The following CDC16 variants were observed in gnomAD, a reference collection of about 807,000 sequenced individuals.
The protein encoded by CDC16 is cell division cycle protein 16 homolog.
CDC16 carries 34 observed loss-of-function variants against 87.0 expected under a neutral mutation model. The ratio of observed to expected loss-of-function variants is 0.39; its 90% CI spans 0.30 to 0.52. CDC16 has a LOEUF of 0.52. Among genes scored for constraint, CDC16 ranks in the 20% least tolerant of loss-of-function variants. The pLI is 0.74. For missense variants in CDC16, 653 were observed against 751.9 expected (o/e 0.87, Z 1.54); for synonymous variants, 263 against 260.6 (o/e 1.01, Z -0.09).
chr13:114,257,309 A>G, intron 13 of CDC16, 79 bp downstream of exon 13: 2 of 839,666 alleles, frequency 2.4e-6, no homozygotes, highest in Admixed American at 2.7e-5. Flanking sequence ...GTTCACTGAC[A>G]AAAGCGACTC....
At chr13:114,244,698 AT>A (rs2081750597) in intron 8 of CDC16, 191 bp from the exon 9 acceptor site, 1 of 398,174 alleles carries the variant, frequency 2.5e-6, no homozygotes, top group Non-Finnish European at 4.5e-6. Flanking sequence ...ATAAACCAGA[AT>A]TTTTTCTTTC....
intron 12 of CDC16, among the ~76,000 whole-genome samples, chr13:114,253,792 A>G (rs945768614): frequency 2.0e-5 from 3 of 152,022 alleles, no homozygotes; most frequent in Non-Finnish European, 4.4e-5. Context: ...GAAGTGTTCC[A>G]TAGATACCTG....
intron 8 of CDC16, 27 bp from the exon 9 acceptor site, chr13:114,244,863 G>T (rs201701516): frequency 1.7e-5 from 26 of 1,509,930 alleles, no homozygotes; most frequent in Non-Finnish European, 2.2e-5. Flanking sequence ...TGGTTTGGGG[G>T]TAGTAATGTG....
intron 16 of CDC16, among the ~76,000 whole-genome samples, chr13:114,263,963 T>C (rs2083022163): frequency 6.6e-6 from 1 of 152,202 alleles, no homozygotes; most frequent in South Asian, 2.1e-4. Flanking sequence ...GAAGCAATGT[T>C]TGAATTTGAG....
chr13:114,236,637 G>A lies in CDC16; in HGVS notation c.49-8G>A. On this transcript the variant is annotated splice_polypyrimidine_tract_variant and splice_region_variant and intron_variant, in intron 1 of 17. Transcript: ENST00000356221. The stretch of plus-strand genomic sequence containing the variant: ...CAGTTACCACCTTTTTTTTTTTTTG[G>A]TATGCAGCAACAGTATCAAAGTGCT... The A allele has an allele frequency of 1.3e-6, 2 of 1,572,622 alleles. No individual in the cohort carries two copies. The highest frequency in any genetic ancestry group is 1.2e-5 in the South Asian group (1 of 84,196).
intron 15 of CDC16, among the ~76,000 whole-genome samples, chr13:114,262,600 A>G (rs377462964): frequency 1.4e-4 from 21 of 152,342 alleles, no homozygotes; most frequent in African/African-American, 4.6e-4. Context: ...GCCAGGAGGC[A>G]TGGATTAGGT....
intron 11 of CDC16, among the ~76,000 whole-genome samples, chr13:114,248,461 A>G (rs1481648303): frequency 6.6e-6 from 1 of 152,182 alleles, no homozygotes; most frequent in Non-Finnish European, 1.5e-5. Flanking sequence ...CAGGCAGATT[A>G]CCTTAGGTCA....
rs2081174295 is a variant in CDC16 at position 114,235,069 on chromosome 13, C to T, written c.-16C>T. On this transcript the variant is annotated 5_prime_UTR_variant, in exon 1 of 18. Transcript: ENST00000356221. Reference sequence around the variant, plus strand: ...CCTAGCGGCGGAGTGTGGCGTGAGGCCGGGCCCGCGCCGCCATGAACCTAG... The same window carrying T: ...CCTAGCGGCGGAGTGTGGCGTGAGGTCGGGCCCGCGCCGCCATGAACCTAG... 3 of 1,247,216 alleles carry T rather than the reference C, an allele frequency of 2.4e-6. No homozygotes were observed. Among genetic ancestry groups the T allele is most frequent in the East Asian group, 3.1e-5 (1 of 31,798 alleles). The allele number at this position is 1,247,216 out of a possible 1,614,324, so 77.3% of individuals were successfully genotyped here. A position where few individuals can be genotyped will look rare whatever the true frequency, so the allele number is the denominator to read the frequency against.
At chr13:114,243,683 G>C (rs17337954) in intron 7 of CDC16, among the ~76,000 whole-genome samples, 173 bp from the exon 8 acceptor site, 2,443 of 152,242 alleles carry the variant, frequency 0.016, 68 homozygotes, top group African/African-American at 0.056. Flanking sequence ...AAATTGAGAA[G>C]GGAATTAAAC....
chr13:114,242,572 C>T (rs1241506501), intron 6 of CDC16: 1 of 283,526 alleles, frequency 3.5e-6, no homozygotes, highest in East Asian at 7.4e-5. Context: ...AACCGTGTTG[C>T]TCTTTACATC....
At chr13:114,245,960 G>T in intron 9 of CDC16, 40 bp from the exon 10 acceptor site, 1 of 1,107,862 alleles carries the variant, frequency 9.0e-7, no homozygotes, top group South Asian at 1.4e-5. Flanking sequence ...AATTACATGT[G>T]ATACGAACAA....
At position 114,250,665 on chromosome 13, in the gene CDC16, T is replaced by C. The variant is rs746682019; in HGVS notation, c.1088T>C (p.Leu363Pro). 4 of 1,613,970 alleles carry C rather than the reference T, an allele frequency of 2.5e-6. No individual in the cohort carries two copies. Among genetic ancestry groups the C allele is most frequent in the Non-Finnish European group, 2.5e-6 (3 of 1,179,998 alleles). ...AMAAYFTAAQ[L>P]MKGCHLPMLY... ...GCTGCTTACTTCACAGCAGCACAGCTGATGAAAGGGTACGGCAGAGCAAAC... is the reference window on the plus strand; with the variant it reads ...GCTGCTTACTTCACAGCAGCACAGCCGATGAAAGGGTACGGCAGAGCAAAC... Residue 363 changes from leucine (L) to proline (P), a missense_variant, in exon 12 of 18, where the codon CTG becomes CCG. Leu to Pro is a moderately conservative substitution (Grantham distance 98). Coordinates refer to ENST00000356221, the MANE Select transcript of CDC16 (RefSeq NM_001078645.3).
intron 11 of CDC16, 125 bp from the exon 12 acceptor site, chr13:114,250,424 G>A (rs533485918): frequency 3.9e-5 from 30 of 777,314 alleles, no homozygotes; most frequent in Middle Eastern, 3.9e-4. Flanking sequence ...ATCTGGAGGC[G>A]GAGGCTGCAG....
chr13:114,253,446 T>C (rs1278633067), intron 12 of CDC16, among the ~76,000 whole-genome samples: 2 of 152,142 alleles, frequency 1.3e-5, no homozygotes, highest in Non-Finnish European at 2.9e-5. Flanking sequence ...CCCAGCACTT[T>C]GGGAGGCCAG....
chr13:114,244,089 A>C, intron 8 of CDC16, 100 bp downstream of exon 8: 4 of 817,460 alleles, frequency 4.9e-6, no homozygotes, highest in Non-Finnish European at 5.8e-6. Context: ...GAACTAGATG[A>C]TAATTTAAGT....
chr13:114,258,799 T>C (rs2082662062), intron 13 of CDC16, among the ~76,000 whole-genome samples: 1 of 148,874 alleles, frequency 6.7e-6, no homozygotes, highest in Non-Finnish European at 1.5e-5. Context: ...AGTGACTTTA[T>C]AGAACATAAA....
At position 114,250,615 on chromosome 13, in the gene CDC16, G is replaced by A. The variant is rs753162788; in HGVS notation, c.1038G>A (p.Val346=). The change falls in exon 12 of 18, where the codon GTG becomes GTA. Residue 346 remains valine, a synonymous_variant. Transcript: ENST00000356221. ...AWIAYGHSFA[V]ESEHDQAMAA... is the part of the protein sequence containing the mutation. Reference sequence around the variant, plus strand: ...TAGCCTATGGACATTCATTTGCGGTGGAGAGTGAGCACGACCAAGCGATGG... The same window carrying A: ...TAGCCTATGGACATTCATTTGCGGTAGAGAGTGAGCACGACCAAGCGATGG... 1.7e-5 allele frequency: 27 copies of A among 1,614,004 alleles called. No homozygotes were observed. Among genetic ancestry groups the A allele is most frequent in the Admixed American group, 8.3e-5 (5 of 60,002 alleles).
intron 3 of CDC16, among the ~76,000 whole-genome samples, chr13:114,237,366 T>C (rs146424636): frequency 6.6e-6 from 1 of 152,162 alleles, no homozygotes; most frequent in Non-Finnish European, 1.5e-5. Flanking sequence ...CGTGGCTCAC[T>C]ATAACCTCAG....
At chr13:114,258,410 G>A (rs1304599288) in intron 13 of CDC16, among the ~76,000 whole-genome samples, 1 of 152,126 alleles carries the variant, frequency 6.6e-6, no homozygotes, top group Non-Finnish European at 1.5e-5. Context: ...ATAAACCAGT[G>A]TACTTCTTGT....
Sources: gnomAD v4.1 joint callset for allele counts (sites outside exome capture counted in the v4.1 genomes callset) on GRCh38, gnomAD v4.1.1 for gene constraint, MANE v1.5 for transcripts, NCBI Gene and HGNC (gene_info 2026-07-23, HGNC 2026-07-21) for gene names.